The following KDM5A variants were observed in gnomAD, a reference collection of about 807,000 sequenced individuals.
KDM5A encodes lysine-specific demethylase 5A.
In KDM5A, 42 loss-of-function variants were observed where a neutral mutation model predicts 193.5. The ratio of observed to expected loss-of-function variants is 0.22; its 90% CI spans 0.17 to 0.28. The LOEUF is 0.28. Ranked by LOEUF, KDM5A falls within the 10% of genes least tolerant of loss-of-function variation. KDM5A has a pLI of 1.00. For synonymous variants in KDM5A, 796 were observed against 718.1 expected (o/e 1.11, Z -1.73); for missense variants, 1,692 against 2,055.1 (o/e 0.82, Z 3.42).
intron 3 of KDM5A, among the ~76,000 whole-genome samples, chr12:380,405 T>C (rs1471673108): frequency 6.6e-6 from 1 of 151,934 alleles, no homozygotes; most frequent in East Asian, 1.9e-4. Flanking sequence ...CCTTAGGGTA[T>C]TTATGAAAAT....
chr12:341,422 C>T (rs1243465103), intron 10 of KDM5A, among the ~76,000 whole-genome samples: 1 of 152,052 alleles, frequency 6.6e-6, no homozygotes, highest in Non-Finnish European at 1.5e-5. Flanking sequence ...AGTCTATTCT[C>T]TAATCAATAT....
rs564659034 is a variant in KDM5A at position 339,086 on chromosome 12, G to A, written c.1309-4664C>T. Among the ~76,000 whole-genome samples, 3 of 151,592 alleles carry A rather than the reference G, an allele frequency of 2.0e-5. No homozygotes were observed. In the South Asian group the frequency reaches 6.3e-4, roughly 32 times the overall value. ...CCAGCTACTCGGGAGGCTGAGGCAG[G>A]AGAAACGCCTGAACCCGGGAGGCAG... On this transcript the variant is annotated intron_variant, in intron 10 of 27. Transcript: ENST00000399788.
rs753568714 is a variant in KDM5A, at chr12:285,430, C to CA, written c.*25dup. 1 of 1,597,536 alleles carries CA rather than the reference C, an allele frequency of 6.3e-7. No homozygotes were observed. Among genetic ancestry groups the CA allele is most frequent in the Non-Finnish European group, 8.6e-7 (1 of 1,165,048 alleles). ...GGTCTCAATGTGGTCCATGTCCCCC[C>CA]ATGTCCCAAACTAACCAAGCATCTG... On this transcript the variant is annotated 3_prime_UTR_variant, in exon 28 of 28. Coordinates refer to ENST00000399788, the MANE Select transcript of KDM5A (RefSeq NM_001042603.3).
At chr12:381,847 C>T (rs1444727739) in intron 3 of KDM5A, among the ~76,000 whole-genome samples, 2 of 152,114 alleles carry the variant, frequency 1.3e-5, no homozygotes, top group Non-Finnish European at 2.9e-5. Flanking sequence ...TGCTCTGTCA[C>T]TCAAGCTGGA....
Position 284,295 on chromosome 12 carries a change from G to A in KDM5A, c.*1161C>T. 1 of 228,506 alleles carries A rather than the reference G, an allele frequency of 4.4e-6. No individual in the cohort carries two copies. The highest frequency in any genetic ancestry group is 8.7e-6 in the Non-Finnish European group (1 of 115,480). 14.2% of individuals were successfully genotyped at this position (228,506 alleles called of 1,614,324 possible). On this transcript the variant is annotated 3_prime_UTR_variant, in exon 28 of 28. Coordinates refer to ENST00000399788, the MANE Select transcript of KDM5A (RefSeq NM_001042603.3). ...ATGTATAGAACAGTCAGTAGTCAGA[G>A]ACATTTAGAAAAAAGTAAAAACAAG... is the stretch of plus-strand genomic sequence containing the variant.
intron 24 of KDM5A, among the ~76,000 whole-genome samples, chr12:300,939 A>T (rs1418628811): frequency 3.3e-5 from 5 of 152,234 alleles, no homozygotes; most frequent in Non-Finnish European, 2.9e-5. Flanking sequence ...GAAGAAATGG[A>T]TAAATTCCTG....
chr12:385,887 A>T lies in KDM5A; in HGVS notation c.243+10T>A. On this transcript the variant is annotated intron_variant, in intron 2 of 27. Coordinates refer to ENST00000399788, the MANE Select transcript of KDM5A (RefSeq NM_001042603.3). ...GAATCAGGAAGCAGAAATAGTGACA[A>T]AACACTTACCTCAAGTTCATTCAGG... 6.2e-7 allele frequency: 1 copy of T among 1,610,376 alleles called. No individual in the cohort carries two copies. Among genetic ancestry groups the T allele is most frequent in the Non-Finnish European group, 8.5e-7 (1 of 1,176,680 alleles).
At position 357,133 on chromosome 12, in the gene KDM5A, T is replaced by G. The variant is rs143020504; in HGVS notation, c.673-596A>C. 7.2e-4 allele frequency among the ~76,000 whole-genome samples: 109 copies of G among 152,048 alleles called. 1 individual carries two copies. The highest frequency in any genetic ancestry group is 2.6e-3 in the African/African-American group (108 of 41,468). ...CCATCTCTACAAAAAGTACAAAAATTAGCCAGGCATGGTGGTGTGCATCTG... is the reference window on the plus strand; with the variant it reads ...CCATCTCTACAAAAAGTACAAAAATGAGCCAGGCATGGTGGTGTGCATCTG... On this transcript the variant is annotated intron_variant, in intron 5 of 27. Transcript: ENST00000399788.
intron 24 of KDM5A, among the ~76,000 whole-genome samples, chr12:303,213 A>G (rs1009480494): frequency 6.6e-6 from 1 of 152,204 alleles, no homozygotes; most frequent in South Asian, 2.1e-4. Context: ...ACATGCACAC[A>G]TATGTTTACT....
chr12:348,271 G>A (rs1196938861), intron 10 of KDM5A, among the ~76,000 whole-genome samples: 2 of 152,182 alleles, frequency 1.3e-5, no homozygotes, highest in Admixed American at 6.5e-5. Flanking sequence ...ACAGGTGCTG[G>A]AGAGGATGTG....
intron 5 of KDM5A, among the ~76,000 whole-genome samples, chr12:360,614 T>C (rs1359431434): frequency 6.6e-6 from 1 of 152,176 alleles, no homozygotes; most frequent in African/African-American, 2.4e-5. Context: ...CAGTGGTAAC[T>C]TGGACAGTGC....
chr12:387,498 T>A (rs74056156), intron 1 of KDM5A, among the ~76,000 whole-genome samples: 3,051 of 152,266 alleles, frequency 0.02, 85 homozygotes, highest in African/African-American at 0.069. Context: ...GAAAAAAGGG[T>A]TAAATGGAAG....
At chr12:386,507 G>A (rs1944639391) in intron 1 of KDM5A, among the ~76,000 whole-genome samples, 1 of 152,036 alleles carries the variant, frequency 6.6e-6, no homozygotes, top group African/African-American at 2.4e-5. Context: ...TTCCACTTAA[G>A]TAGTTAACAG....
chr12:323,043 A>T, intron 16 of KDM5A, 39 bp downstream of exon 16: 1 of 1,612,470 alleles, frequency 6.2e-7, no homozygotes, highest in Non-Finnish European at 8.5e-7. Context: ...TAAAGTGACA[A>T]TCAATTCAGT....
intron 19 of KDM5A, among the ~76,000 whole-genome samples, chr12:317,153 C>T (rs753257263): frequency 1.3e-5 from 2 of 152,190 alleles, no homozygotes; most frequent in Admixed American, 1.3e-4. Context: ...TACAGCCACT[C>T]AACATTCTCC....
In KDM5A at chr12:322,542, C is replaced by T. The variant is rs1565533413; in HGVS notation, c.2301G>A (p.Leu767=). The T allele has an allele frequency of 1.2e-6, 2 of 1,612,702 alleles. No individual in the cohort carries two copies. Among genetic ancestry groups the T allele is most frequent in the African/African-American group, 2.7e-5 (2 of 75,028 alleles). The change falls in exon 17 of 28, where the codon CTG becomes CTA. Residue 767 remains leucine, a synonymous_variant. Transcript: ENST00000399788. The part of the protein sequence containing the change: ...KKDLIELRVM[L]EDAEDRKYPE... The stretch of plus-strand genomic sequence containing the variant: ...GGTATTTCCTATCCTCAGCATCTTC[C>T]AGCATTACTCGCAATTCAATCAAAT...
Position 280,368 on chromosome 12 carries a change from T to A in KDM5A, c.*5088A>T, listed in dbSNP as rs191832946. The A allele has an allele frequency of 0.012, 2,769 of 232,960 alleles. 26 individuals are homozygous for A. The highest frequency in any genetic ancestry group is 0.016 in the Non-Finnish European group (1,937 of 117,908). The allele number at this position is 232,960 out of a possible 1,614,324, so 14.4% of individuals were successfully genotyped here. A position where few individuals can be genotyped will look rare whatever the true frequency, so the allele number is the denominator to read the frequency against. On this transcript the variant is annotated 3_prime_UTR_variant, in exon 28 of 28. Transcript: ENST00000399788. The stretch of plus-strand genomic sequence containing the variant: ...GAGGGTCCAACACAATTTTTTTTTT[T>A]AATGGACTTGCCACCTTAAGAAACT...
chr12:348,084 C>T (rs1944101610), intron 10 of KDM5A, among the ~76,000 whole-genome samples: 1 of 151,980 alleles, frequency 6.6e-6, no homozygotes, highest in African/African-American at 2.4e-5. Context: ...ACAAACAACC[C>T]CATCAAAAAG....
chr12:355,383 T>C (rs1434398574), intron 6 of KDM5A, 134 bp from the exon 7 acceptor site: 1 of 668,010 alleles, frequency 1.5e-6, no homozygotes, highest in Non-Finnish European at 2.7e-6. Context: ...TACTATTTAT[T>C]ATCTCTCACT....
Sources: gnomAD v4.1 joint callset for allele counts (sites outside exome capture counted in the v4.1 genomes callset) on GRCh38, gnomAD v4.1.1 for gene constraint, MANE v1.5 for transcripts, NCBI Gene and HGNC (gene_info 2026-07-23, HGNC 2026-07-21) for gene names.